WDPCP: variants seen among roughly 807,000 people sequenced by gnomAD.
The protein encoded by WDPCP is WD repeat containing planar cell polarity effector.
Under a neutral mutation model 93.1 loss-of-function variants are expected in WDPCP, and 71 were observed. That is an observed-to-expected ratio of 0.76 (90% confidence interval 0.63 to 0.93). WDPCP has a LOEUF of 0.93. WDPCP is among the 40% of genes least tolerant of loss of function. The probability of loss-of-function intolerance (pLI) is 0.00; values close to 1 mark genes in which losing one functional copy is unlikely to be tolerated. For synonymous variants in WDPCP, 315 were observed against 315.0 expected (o/e 1.00, Z 0.00); for missense variants, 844 against 887.4 (o/e 0.95, Z 0.62).
At chr2:63,561,521 A>G (rs924246037) in intron 1 of WDPCP, among the ~76,000 whole-genome samples, 4 of 152,098 alleles carry the variant, frequency 2.6e-5, no homozygotes, top group African/African-American at 9.7e-5. Flanking sequence ...AAAAGCAAAA[A>G]TTGACAAATG....
At chr2:63,376,777 A>C (rs1347405040) in intron 12 of WDPCP, among the ~76,000 whole-genome samples, 2 of 151,978 alleles carry the variant, frequency 1.3e-5, no homozygotes, top group African/African-American at 4.8e-5. Context: ...TGCTAATGTC[A>C]TTCAGATGAA....
In WDPCP at chr2:63,259,404, A is replaced by C. The variant is rs1473946923; in HGVS notation, c.1818T>G (p.Ile606Met). 1.2e-6 allele frequency: 2 copies of C among 1,609,958 alleles called. No individual in the cohort carries two copies. The highest frequency in any genetic ancestry group is 2.7e-5 in the African/African-American group (2 of 74,860). The change falls in exon 14 of 18, where the codon ATT (isoleucine) becomes ATG (methionine). Residue 606 changes from isoleucine to methionine, a missense_variant. Physicochemically the swap from Ile to Met is conservative, Grantham distance 10. Coordinates refer to ENST00000272321, the MANE Select transcript of WDPCP (RefSeq NM_015910.7). ...CACCTTTATCTAGTGCAAGGTAATG[A>C]ATATCCTGAGGAAATAAAGCAAAAT... is the stretch of plus-strand genomic sequence containing the variant. ...DVGARDLFMD[I>M]HYLALDKGEL...
chr2:63,822,089 A>G (rs1230701719), intron 1 of WDPCP, among the ~76,000 whole-genome samples: 1 of 152,154 alleles, frequency 6.6e-6, no homozygotes, highest in East Asian at 1.9e-4. Context: ...TATGGGGAAT[A>G]ATATTAATAG....
intron 12 of WDPCP, among the ~76,000 whole-genome samples, chr2:63,332,106 G>C (rs1356389): frequency 6.7e-6 from 1 of 150,176 alleles, no homozygotes; most frequent in African/African-American, 2.4e-5. Context: ...GTGTGTGTGT[G>C]TATATATATG....
At chr2:63,396,047 T>C (rs1575322411) in intron 10 of WDPCP, among the ~76,000 whole-genome samples, 1 of 152,158 alleles carries the variant, frequency 6.6e-6, no homozygotes, top group Admixed American at 6.6e-5. Flanking sequence ...ACATTTTAAA[T>C]GTGTGTATTT....
intron 2 of WDPCP, among the ~76,000 whole-genome samples, chr2:63,749,114 G>A (rs1038560936): frequency 1.3e-5 from 2 of 152,044 alleles, no homozygotes; most frequent in Admixed American, 1.3e-4. Flanking sequence ...AGAAAGGGAT[G>A]GGTTTATTTC....
intron 16 of WDPCP, chr2:63,153,250 A>G (rs950598495): frequency 7.1e-6 from 4 of 563,658 alleles, no homozygotes; most frequent in South Asian, 4.7e-5. Flanking sequence ...GCCCAGATCT[A>G]CTGAATCAGA....
intron 2 of WDPCP, among the ~76,000 whole-genome samples, chr2:63,692,258 T>A (rs1668900506): frequency 6.6e-6 from 1 of 152,118 alleles, no homozygotes; most frequent in Admixed American, 6.5e-5. Context: ...AACTGATGTA[T>A]GTGTAAATCA....
chr2:63,651,521 T>C (rs182994835), intron 2 of WDPCP, among the ~76,000 whole-genome samples: 2 of 151,878 alleles, frequency 1.3e-5, no homozygotes, highest in East Asian at 3.9e-4. Context: ...CAATGTGCAA[T>C]GTGGGGGCTG....
At chr2:63,642,179 T>C (rs1413889702) in intron 3 of WDPCP, among the ~76,000 whole-genome samples, 3 of 152,170 alleles carry the variant, frequency 2.0e-5, no homozygotes, top group African/African-American at 7.2e-5. Context: ...TTTTGTTTAC[T>C]ATAGCGCTGT....
intron 2 of WDPCP, among the ~76,000 whole-genome samples, chr2:63,714,952 G>A (rs1443059171): frequency 1.3e-5 from 2 of 152,182 alleles, no homozygotes; most frequent in Non-Finnish European, 2.9e-5. Flanking sequence ...AACCAATTGT[G>A]ATATATGTAT....
chr2:63,818,799 G>C (rs766264461), intron 1 of WDPCP, among the ~76,000 whole-genome samples: 1 of 152,148 alleles, frequency 6.6e-6, no homozygotes, highest in Non-Finnish European at 1.5e-5. Flanking sequence ...GTAAGAAAAA[G>C]TGATTAAACA....
intron 6 of WDPCP, among the ~76,000 whole-genome samples, chr2:63,462,450 G>A (rs911496687): frequency 2.0e-5 from 3 of 152,082 alleles, no homozygotes; most frequent in African/African-American, 7.2e-5. Flanking sequence ...TAATACATAT[G>A]CAACAAACCT....
intron 1 of WDPCP, among the ~76,000 whole-genome samples, chr2:63,560,288 T>C (rs1348628009): frequency 1.3e-5 from 2 of 151,970 alleles, no homozygotes; most frequent in East Asian, 3.9e-4. Flanking sequence ...ATAGCCAAGA[T>C]AATCCTAAGC....
chr2:63,591,556 G>A (rs180736220), upstream of WDPCP, among the ~76,000 whole-genome samples: 10 of 152,246 alleles, frequency 6.6e-5, no homozygotes, highest in East Asian at 1.9e-3. Flanking sequence ...TGACCTTATG[G>A]GAAGTTAAAC....
chr2:63,833,037 G>A, the WDPCP span, among the ~76,000 whole-genome samples: 1 of 152,194 alleles, frequency 6.6e-6, no homozygotes, highest in African/African-American at 2.4e-5. Flanking sequence ...AGGATCACTT[G>A]AGGTCAGGAG....
At chr2:63,627,743 G>A (rs1196136805) in intron 3 of WDPCP, among the ~76,000 whole-genome samples, 1 of 152,136 alleles carries the variant, frequency 6.6e-6, no homozygotes, top group Non-Finnish European at 1.5e-5. Flanking sequence ...TCCCTTTCCA[G>A]CTGAGCACCA....
At chr2:63,343,260 G>A (rs1243766501) in intron 12 of WDPCP, among the ~76,000 whole-genome samples, 5 of 150,294 alleles carry the variant, frequency 3.3e-5, no homozygotes, top group South Asian at 2.1e-4. Context: ...TGCCCACCTC[G>A]GCCTCCCAAA....
intron 12 of WDPCP, among the ~76,000 whole-genome samples, chr2:63,360,415 T>A (rs1690359821): frequency 6.6e-6 from 1 of 152,208 alleles, no homozygotes; most frequent in Admixed American, 6.5e-5. Flanking sequence ...TGTTGGTTTT[T>A]ATTTTTTTTC....
Sources: gnomAD v4.1 joint callset for allele counts (sites outside exome capture counted in the v4.1 genomes callset) on GRCh38, gnomAD v4.1.1 for gene constraint, MANE v1.5 for transcripts, NCBI Gene and HGNC (gene_info 2026-07-23, HGNC 2026-07-21) for gene names.